GRIA1: variants seen among roughly 807,000 people sequenced by gnomAD.
GRIA1 encodes glutamate ionotropic receptor AMPA type subunit 1, also known as glutamate receptor 1.
A neutral mutation model predicts 99.2 loss-of-function variants in GRIA1; 31 were observed. The observed-to-expected ratio is 0.31, with a 90% confidence interval of 0.23 to 0.42. The LOEUF (loss-of-function observed/expected upper bound fraction) is 0.42. Ranked by LOEUF, GRIA1 falls within the 10% of genes least tolerant of loss-of-function variation. GRIA1 has a pLI of 1.00. For synonymous variants in GRIA1, 438 were observed against 432.4 expected (o/e 1.01, Z -0.16); for missense variants, 782 against 1,157.5 (o/e 0.68, Z 4.71).
intron 15 of GRIA1, among the ~76,000 whole-genome samples, chr5:153,808,224 A>G (rs540551638): frequency 6.6e-6 from 1 of 152,132 alleles, no homozygotes; most frequent in East Asian, 1.9e-4. Flanking sequence ...TGGATTTTTT[A>G]CTCATCCCTT....
At chr5:153,789,994 C>T (rs1170191058) in intron 13 of GRIA1, among the ~76,000 whole-genome samples, 1 of 152,014 alleles carries the variant, frequency 6.6e-6, no homozygotes, top group Non-Finnish European at 1.5e-5. Context: ...TTCTATTATC[C>T]CATTTGACAG....
intron 11 of GRIA1, among the ~76,000 whole-genome samples, chr5:153,759,230 CAGAAATAAAT>C (rs1763021713): frequency 1.4e-5 from 2 of 147,048 alleles, no homozygotes; most frequent in Non-Finnish European, 3.0e-5. Context: ...AAGACCAGAA[CAGAAATAAAT>C]AAAATAGGGG....
chr5:153,538,127 C>T (rs912930438), intron 2 of GRIA1, among the ~76,000 whole-genome samples: 2 of 152,144 alleles, frequency 1.3e-5, no homozygotes, highest in Non-Finnish European at 2.9e-5. Flanking sequence ...ATGGCATAGA[C>T]TCAACAACAG....
chr5:153,656,019 T>C (rs1158369366), intron 5 of GRIA1, 147 bp downstream of exon 5: 3 of 668,278 alleles, frequency 4.5e-6, no homozygotes, highest in African/African-American at 1.8e-5. Flanking sequence ...TACTACATTT[T>C]TATCTTCTCC....
At chr5:153,780,070 C>G (rs993840768) in intron 13 of GRIA1, among the ~76,000 whole-genome samples, 2 of 152,218 alleles carry the variant, frequency 1.3e-5, no homozygotes, top group African/African-American at 4.8e-5. Flanking sequence ...CCTGCTGATA[C>G]ACAAATTGCA....
At chr5:153,733,658 T>A (rs927372203) in intron 11 of GRIA1, among the ~76,000 whole-genome samples, 3 of 152,152 alleles carry the variant, frequency 2.0e-5, no homozygotes, top group African/African-American at 7.2e-5. Flanking sequence ...AAAGCAATTG[T>A]ATAGAAAAAG....
At chr5:153,545,194 G>A (rs574855541) in intron 2 of GRIA1, among the ~76,000 whole-genome samples, 9 of 152,268 alleles carry the variant, frequency 5.9e-5, no homozygotes, top group African/African-American at 1.9e-4. Flanking sequence ...TTTGGAGATG[G>A]ATCAAGGGTC....
At chr5:153,578,096 A>G (rs1762716133) in intron 2 of GRIA1, among the ~76,000 whole-genome samples, 1 of 136,888 alleles carries the variant, frequency 7.3e-6, no homozygotes, top group Non-Finnish European at 1.6e-5. Flanking sequence ...GGTTGCAGTG[A>G]GCCAAGATCA....
chr5:153,547,775 A>G (rs1581210834), intron 2 of GRIA1, among the ~76,000 whole-genome samples: 2 of 152,136 alleles, frequency 1.3e-5, no homozygotes, highest in African/African-American at 4.8e-5. Context: ...AAGAACCTGG[A>G]GTAATTAGCT....
intron 11 of GRIA1, among the ~76,000 whole-genome samples, chr5:153,720,304 C>T (rs1759963889): frequency 6.6e-6 from 1 of 152,158 alleles, no homozygotes; most frequent in African/African-American, 2.4e-5. Flanking sequence ...GACTTCAACA[C>T]CTTTCAGGTT....
intron 2 of GRIA1, among the ~76,000 whole-genome samples, chr5:153,584,594 T>C (rs2149379325): frequency 6.6e-6 from 1 of 152,354 alleles, no homozygotes; most frequent in Middle Eastern, 3.4e-3. Context: ...GATAGAGCTC[T>C]AGGGGACCCT....
At chr5:153,595,793 C>T (rs1764379830) in intron 2 of GRIA1, among the ~76,000 whole-genome samples, 1 of 149,150 alleles carries the variant, frequency 6.7e-6, no homozygotes, top group African/African-American at 2.4e-5. Flanking sequence ...ATACGGTCTA[C>T]ATCTTAGAAA....
At chr5:153,598,260 G>C (rs1764594022) in intron 2 of GRIA1, among the ~76,000 whole-genome samples, 1 of 151,974 alleles carries the variant, frequency 6.6e-6, no homozygotes, top group South Asian at 2.1e-4. Context: ...TGCAAGAATA[G>C]GAAGAGCACA....
In GRIA1 at chr5:153,720,810, A is replaced by G. The variant is rs151085014; in HGVS notation, c.1823+14743A>G. 1.9e-3 allele frequency among the ~76,000 whole-genome samples: 288 copies of G among 152,332 alleles called. 1 individual carries two copies. In the Middle Eastern group the frequency reaches 0.02, roughly 11 times the overall value. On this transcript the variant is annotated intron_variant, in intron 11 of 15. Coordinates refer to ENST00000285900, the MANE Select transcript of GRIA1 (RefSeq NM_000827.4). The stretch of plus-strand genomic sequence containing the variant: ...AAAGGAAGGTGTTTCCTGAGCCCTC[A>G]TGGCCAGTTCTGTATTCTCCTTAGT...
At chr5:153,698,392 C>T (rs1051766525) in intron 9 of GRIA1, among the ~76,000 whole-genome samples, 6 of 152,208 alleles carry the variant, frequency 3.9e-5, no homozygotes, top group Non-Finnish European at 8.8e-5. Flanking sequence ...TCTCTTGAGC[C>T]AGCTTTCCCA....
At chr5:153,655,969 G>T in intron 5 of GRIA1, 97 bp downstream of exon 5, 1 of 956,670 alleles carries the variant, frequency 1.0e-6, no homozygotes, top group South Asian at 1.3e-5. Flanking sequence ...CTGAGTAGGT[G>T]GAAGGGGCAA....
intron 13 of GRIA1, among the ~76,000 whole-genome samples, chr5:153,792,156 T>C: frequency 6.6e-6 from 1 of 152,094 alleles, no homozygotes; most frequent in East Asian, 1.9e-4. Flanking sequence ...TGAGGTGAAA[T>C]TTAATTAAAT....
chr5:153,752,050 C>T (rs1762542800), intron 11 of GRIA1, among the ~76,000 whole-genome samples: 1 of 152,156 alleles, frequency 6.6e-6, no homozygotes. Flanking sequence ...CACCCATCAT[C>T]ATCATTGTTA....
At chr5:153,741,033 G>A (rs1442623261) in intron 11 of GRIA1, among the ~76,000 whole-genome samples, 1 of 143,640 alleles carries the variant, frequency 7.0e-6, no homozygotes, top group African/African-American at 2.6e-5. Context: ...CTGGAGTGCA[G>A]TGGCACAATC....
Sources: gnomAD v4.1 joint callset for allele counts (sites outside exome capture counted in the v4.1 genomes callset) on GRCh38, gnomAD v4.1.1 for gene constraint, MANE v1.5 for transcripts, NCBI Gene and HGNC (gene_info 2026-07-23, HGNC 2026-07-21) for gene names.